The following SCRN1 variants were observed in gnomAD, a reference collection of about 807,000 sequenced individuals.
SCRN1 encodes the protein secernin-1.
SCRN1 carries 19 observed loss-of-function variants against 43.3 expected under a neutral mutation model. The observed-to-expected ratio is 0.44, with a 90% CI of 0.31 to 0.64. SCRN1 has a LOEUF of 0.64. Among genes scored for constraint, SCRN1 ranks in the 30% least tolerant of loss-of-function variants. The pLI is 0.09. For missense variants in SCRN1, 447 were observed against 524.1 expected (o/e 0.85, Z 1.44); for synonymous variants, 183 against 188.9 (o/e 0.97, Z 0.26).
upstream of SCRN1, chr7:29,989,948 A>C: frequency 1.7e-6 from 2 of 1,199,804 alleles, no homozygotes; most frequent in Non-Finnish European, 2.1e-6. Context: ...CTCACCGTCG[A>C]GTAGGGAGGG....
In SCRN1 at chr7:29,969,229, T is replaced by C; in HGVS notation, c.-1-161A>G. On this transcript the variant is annotated intron_variant, in intron 1 of 7. Coordinates refer to ENST00000242059, the MANE Select transcript of SCRN1 (RefSeq NM_014766.5). ...AGCTGGCAAATGAAGGTGGGACGCC[T>C]GCAGTGGAATGACAGAGCCACCGAG... 3 of 745,582 alleles carry C rather than the reference T, an allele frequency of 4.0e-6. No individual in the cohort carries two copies. The South Asian group carries it at 5.8e-5, about 14-fold the overall frequency. 46.2% of individuals were successfully genotyped at this position (745,582 alleles called of 1,614,324 possible).
At chr7:29,939,942 G>A (rs1247680503) in intron 5 of SCRN1, among the ~76,000 whole-genome samples, 2 of 151,722 alleles carry the variant, frequency 1.3e-5, no homozygotes, top group African/African-American at 4.8e-5. Flanking sequence ...TTGAGCCCAG[G>A]AGTGTCAGAC....
chr7:29,963,151 A>G (rs951715515), intron 2 of SCRN1, among the ~76,000 whole-genome samples: 4 of 152,144 alleles, frequency 2.6e-5, no homozygotes, highest in African/African-American at 9.7e-5. Context: ...ATGCAGGCAG[A>G]GGGGGTATTA....
chr7:29,925,631 A>G (rs1442162577), intron 7 of SCRN1, among the ~76,000 whole-genome samples: 2 of 152,140 alleles, frequency 1.3e-5, no homozygotes, highest in African/African-American at 4.8e-5. Flanking sequence ...TTCTTGTTTG[A>G]ATTGATGACT....
Position 29,920,170 on chromosome 7 carries a change from C to A in SCRN1, c.*3787G>T, listed in dbSNP as rs899071498. ...TTAGAGACAATTCCAAGGGCAAGCA[C>A]TGGATAGGGATATTATCTGCTTTGT... On this transcript the variant is annotated 3_prime_UTR_variant, in exon 8 of 8. Coordinates refer to ENST00000242059, the MANE Select transcript of SCRN1 (RefSeq NM_014766.5). The A allele has an allele frequency of 6.6e-6, 1 of 152,490 alleles. No homozygotes were observed. The highest frequency in any genetic ancestry group is 2.4e-5 in the African/African-American group (1 of 41,410). 9.4% of individuals were successfully genotyped at this position (152,490 alleles called of 1,614,324 possible). A position where few individuals can be genotyped will look rare whatever the true frequency, so the allele number is the denominator to read the frequency against.
chr7:29,968,805 G>C, intron 2 of SCRN1, 104 bp downstream of exon 2: 1 of 1,386,312 alleles, frequency 7.2e-7, no homozygotes, highest in Non-Finnish European at 1.0e-6. Context: ...TGACATGATA[G>C]CTCTGACTTG....
chr7:29,989,825 C>G (rs1021324443), upstream of SCRN1: 3 of 987,040 alleles, frequency 3.0e-6, no homozygotes, highest in South Asian at 9.4e-5. Context: ...CCGCCGCCCC[C>G]CGCAGCAGCT....
intron 1 of SCRN1, chr7:29,969,771 G>A (rs944763009): frequency 4.0e-5 from 18 of 455,354 alleles, no homozygotes; most frequent in Non-Finnish European, 7.1e-5. Context: ...ACATGCTGAT[G>A]ACTTACACAT....
intron 4 of SCRN1, among the ~76,000 whole-genome samples, chr7:29,943,040 A>C (rs1197678861): frequency 6.6e-6 from 1 of 152,208 alleles, no homozygotes; most frequent in Non-Finnish European, 1.5e-5. Context: ...ACGGCACACA[A>C]GTTTCATCCC....
At chr7:29,956,490 A>G (rs189012149) in intron 2 of SCRN1, among the ~76,000 whole-genome samples, 5 of 152,352 alleles carry the variant, frequency 3.3e-5, no homozygotes, top group Non-Finnish European at 7.3e-5. Context: ...GGGGCAGCTG[A>G]AAGCAACAGC....
intron 1 of SCRN1, among the ~76,000 whole-genome samples, chr7:29,985,134 C>T (rs1789110846): frequency 7.1e-6 from 1 of 140,148 alleles, no homozygotes. Flanking sequence ...GGGCTGGGCG[C>T]GGTGGCTCAC....
In SCRN1 at chr7:29,920,140, TG is replaced by T. The variant is rs1786705067; in HGVS notation, c.*3816del. 6.6e-6 allele frequency: 1 copy of T among 152,622 alleles called. No homozygotes were observed. The highest frequency in any genetic ancestry group is 6.5e-5 in the Admixed American group (1 of 15,280). The allele number at this position is 152,622 out of a possible 1,614,324, so 9.5% of individuals were successfully genotyped here. A position where few individuals can be genotyped will look rare whatever the true frequency, so the allele number is the denominator to read the frequency against. ...TCAGTTTTTTTTATTGTATGCTTGA[TG>T]CATTTAGAGACAATTCCAAGGGCAA... On this transcript the variant is annotated 3_prime_UTR_variant, in exon 8 of 8. Transcript: ENST00000242059.
chr7:29,936,555 C>A lies in SCRN1; in HGVS notation c.905+1G>T. 6.4e-7 allele frequency: 1 copy of A among 1,572,148 alleles called. No individual in the cohort carries two copies. The highest frequency in any genetic ancestry group is 8.7e-7 in the Non-Finnish European group (1 of 1,149,066). On this transcript the variant is annotated splice_donor_variant, in intron 6 of 7. Transcript: ENST00000242059. LOFTEE classifies it high-confidence loss of function. ...CCTACGTGACCAGGCCTCGGACAAA[C>A]CTGGAAGGATCAGGGGTTCCAGTGA...
In SCRN1 at chr7:29,923,743, A is replaced by G. The variant is rs1351040369; in HGVS notation, c.*214T>C. The G allele has an allele frequency of 1.9e-6, 1 of 533,478 alleles. No homozygotes were observed. The highest frequency in any genetic ancestry group is 3.3e-6 in the Non-Finnish European group (1 of 302,998). The allele number at this position is 533,478 out of a possible 1,614,324, so 33.0% of individuals were successfully genotyped here. A position where few individuals can be genotyped will look rare whatever the true frequency, so the allele number is the denominator to read the frequency against. On this transcript the variant is annotated 3_prime_UTR_variant, in exon 8 of 8. Transcript: ENST00000242059. Reference sequence around the variant, plus strand: ...ACACAACCGAACAACAGGCAACGGGATACATGTTACACTGCACAGGAAGGA... The same window carrying G: ...ACACAACCGAACAACAGGCAACGGGGTACATGTTACACTGCACAGGAAGGA...
intron 5 of SCRN1, 59 bp downstream of exon 5, chr7:29,940,623 G>GA: frequency 6.7e-7 from 1 of 1,484,998 alleles, no homozygotes; most frequent in Non-Finnish European, 9.1e-7. Flanking sequence ...CAAGTTCTCA[G>GA]AAACAGCTGC....
At chr7:29,976,796 T>G (rs1788849287) in intron 1 of SCRN1, among the ~76,000 whole-genome samples, 4 of 152,228 alleles carry the variant, frequency 2.6e-5, no homozygotes, top group Admixed American at 2.6e-4. Context: ...CCCTGGAGTT[T>G]ACTGCAAAGG....
At position 29,936,723 on chromosome 7, in the gene SCRN1, T is replaced by C; in HGVS notation, c.740-2A>G. The C allele has an allele frequency of 6.5e-7, 1 of 1,527,754 alleles. No individual in the cohort carries two copies. The highest frequency in any genetic ancestry group is 8.9e-7 in the Non-Finnish European group (1 of 1,122,908). The allele number at this position is 1,527,754 out of a possible 1,614,324, so 94.6% of individuals were successfully genotyped here. ...TCATAGTCTGCACTGTGATGCTTTC[T>C]GCAAAAACACAAAAGACAGACAAAT... is the stretch of plus-strand genomic sequence containing the variant. On this transcript the variant is annotated splice_acceptor_variant, in intron 5 of 7. Coordinates refer to ENST00000242059, the MANE Select transcript of SCRN1 (RefSeq NM_014766.5). LOFTEE classifies it high-confidence loss of function.
chr7:29,986,005 C>T (rs535375223), intron 1 of SCRN1, among the ~76,000 whole-genome samples: 6 of 152,318 alleles, frequency 3.9e-5, no homozygotes, highest in South Asian at 4.1e-4. Flanking sequence ...GAGGCCGAGG[C>T]GGGCAGATCA....
intron 6 of SCRN1, among the ~76,000 whole-genome samples, chr7:29,932,000 A>G (rs573363244): frequency 1.6e-4 from 25 of 152,218 alleles, no homozygotes; most frequent in Non-Finnish European, 3.2e-4. Context: ...ACAAAAAAAA[A>G]CTTTTAAAGT....
Sources: gnomAD v4.1 joint callset for allele counts (sites outside exome capture counted in the v4.1 genomes callset) on GRCh38, gnomAD v4.1.1 for gene constraint, MANE v1.5 for transcripts, NCBI Gene and HGNC (gene_info 2026-07-23, HGNC 2026-07-21) for gene names.